IRAG2: variants seen among roughly 807,000 people sequenced by gnomAD.
The protein encoded by IRAG2 is inositol 1,4,5-triphosphate receptor associated 2.
A neutral mutation model predicts 69.9 loss-of-function variants in IRAG2; 45 were observed. The ratio of observed to expected loss-of-function variants is 0.64; its 90% CI spans 0.51 to 0.83. The LOEUF is 0.83. Among genes scored for constraint, IRAG2 ranks in the 40% least tolerant of loss-of-function variants. The pLI, the probability that IRAG2 is intolerant of heterozygous loss-of-function variation, is 0.00. For synonymous variants in IRAG2, 193 were observed against 202.4 expected (o/e 0.95, Z 0.40); for missense variants, 520 against 587.0 (o/e 0.89, Z 1.18).
exon 8 of IRAG2, chr12:25,023,883 C>A (rs928650958): frequency 8.1e-7 from 1 of 1,227,204 alleles, no homozygotes; most frequent in Middle Eastern, 3.1e-4. Flanking sequence ...GACAGAAAAC[C>A]GGGCTCTGAT....
In IRAG2 at chr12:25,079,727, G is replaced by T. The variant is rs1408595228; in HGVS notation, c.208G>T (p.Asp70Tyr). ...DRNSLCKKEE[D>Y]TRSASPTIEA... ...AAACTCGCTCTGTAAGAAAGAGGAG[G>T]ATACAAGATCAGCTTCTCCCACGAT... is the stretch of plus-strand genomic sequence containing the variant. Residue 70 changes from aspartate (D) to tyrosine (Y), a missense_variant, in exon 9 of 22, where the codon GAT (aspartate) becomes TAT (tyrosine). By Grantham distance (160) the Asp-to-Tyr change is radical (BLOSUM62 -3). Coordinates refer to ENST00000556887, the MANE Select transcript of IRAG2 (RefSeq NM_001366544.2). 1.2e-6 allele frequency: 2 copies of T among 1,613,962 alleles called. No individual in the cohort carries two copies. Among genetic ancestry groups the T allele is most frequent in the Non-Finnish European group, 8.5e-7 (1 of 1,179,882 alleles).
At chr12:25,001,047 A>G (rs1480173537), upstream of IRAG2, among the ~76,000 whole-genome samples, 1 of 152,190 alleles carries the variant, frequency 6.6e-6, no homozygotes, top group African/African-American at 2.4e-5. Flanking sequence ...TTATCACCCC[A>G]TCTTATTTAT....
At chr12:25,030,396 C>CTT in intron 10 of IRAG2, 119 of 1,004,950 alleles carry the variant, frequency 1.2e-4, no homozygotes, top group Non-Finnish European at 1.4e-4. Context: ...AAATCTGATT[C>CTT]TTTTTTTTTT....
intron 8 of IRAG2, chr12:25,023,983 T>C (rs73076094): frequency 0.032 from 30,124 of 927,242 alleles, 562 homozygotes; most frequent in Admixed American, 0.038. Flanking sequence ...TCGTGGTTTA[T>C]GGCTGTGGGT....
At chr12:25,004,635 C>T in exon 1 of IRAG2, 2 of 1,232,104 alleles carry the variant, frequency 1.6e-6, no homozygotes, top group African/African-American at 1.6e-5. Context: ...GAACCCCATC[C>T]ACCTCTCACC....
rs149538465 is a variant in IRAG2, at chr12:25,096,166, A to T, written c.607-744A>T. On this transcript the variant is annotated intron_variant, in intron 14 of 21. Transcript: ENST00000556887. Reference sequence around the variant, plus strand: ...AATCAGAAAGGTTGATTTTTTTTGAACATTTCTAAAATTATGATGCAATTT... The same window carrying T: ...AATCAGAAAGGTTGATTTTTTTTGATCATTTCTAAAATTATGATGCAATTT... Among the ~76,000 whole-genome samples the T allele has an allele frequency of 6.1e-4, 93 of 152,346 alleles. 2 individuals are homozygous for T. In the East Asian group the frequency reaches 0.018, roughly 29 times the overall value.
At chr12:25,053,130 G>GT (rs1473020788) in intron 1 of IRAG2, among the ~76,000 whole-genome samples, 174 bp downstream of exon 1, 5 of 152,034 alleles carry the variant, frequency 3.3e-5, no homozygotes, top group Non-Finnish European at 7.4e-5. Flanking sequence ...GAGTGGCTAG[G>GT]TGCATGCATG....
At chr12:25,034,597 A>T (rs1407952841) in intron 13 of IRAG2, among the ~76,000 whole-genome samples, 1 of 152,170 alleles carries the variant, frequency 6.6e-6, no homozygotes, top group Non-Finnish European at 1.5e-5. Flanking sequence ...CTATATTTTC[A>T]TTCCTTTGTA....
At chr12:25,085,678 C>A (rs545092435) in intron 10 of IRAG2, among the ~76,000 whole-genome samples, 9 of 147,752 alleles carry the variant, frequency 6.1e-5, no homozygotes, top group African/African-American at 1.9e-4. Context: ...AGGCACAGGC[C>A]TGAGGGTGGA....
intron 9 of IRAG2, 99 bp from the exon 10 acceptor site, chr12:25,083,324 T>C: frequency 2.6e-6 from 2 of 782,714 alleles, no homozygotes; most frequent in Non-Finnish European, 4.6e-6. Flanking sequence ...AAGACCTTTG[T>C]CAGTTACTGG....
intron 15 of IRAG2, 124 bp downstream of exon 15, chr12:25,097,168 G>A: frequency 1.2e-6 from 1 of 859,810 alleles, no homozygotes; most frequent in Non-Finnish European, 1.7e-6. Context: ...TAAGACATAT[G>A]CGTTTAATAC....
intron 5 of IRAG2, among the ~76,000 whole-genome samples, chr12:25,016,254 G>C (rs1252689140): frequency 1.3e-5 from 2 of 151,516 alleles, no homozygotes; most frequent in Non-Finnish European, 2.9e-5. Context: ...CCCGGGATAA[G>C]ATAGCAAAAA....
intron 10 of IRAG2, 89 bp downstream of exon 10, chr12:25,083,582 C>T: frequency 1.4e-6 from 1 of 731,724 alleles, no homozygotes; most frequent in South Asian, 1.7e-5. Flanking sequence ...AAAGTATTAT[C>T]TCATTTATCC....
chr12:25,028,453 A>T (rs991438788), intron 9 of IRAG2, among the ~76,000 whole-genome samples: 56 of 151,976 alleles, frequency 3.7e-4, no homozygotes, highest in Non-Finnish European at 7.4e-4. Context: ...TTTTATTTTT[A>T]TTTTTTTGTA....
chr12:25,045,377 C>T (rs1370425232), intron 16 of IRAG2, among the ~76,000 whole-genome samples: 1 of 151,706 alleles, frequency 6.6e-6, no homozygotes, highest in Non-Finnish European at 1.5e-5. Flanking sequence ...AGTTCCTTCC[C>T]AAGAGAAAGG....
intron 16 of IRAG2, among the ~76,000 whole-genome samples, chr12:25,040,803 C>T (rs764317580): frequency 5.9e-5 from 9 of 152,108 alleles, no homozygotes; most frequent in Non-Finnish European, 1.3e-4. Context: ...TCAGGATGTC[C>T]GCTCTTTGCC....
chr12:25,031,992 G>A (rs958743846), intron 10 of IRAG2: 36 of 388,872 alleles, frequency 9.3e-5, no homozygotes, highest in African/African-American at 5.8e-4. Context: ...GCAAAACACC[G>A]ACTGGTTCAG....
chr12:25,006,941 T>C (rs1473170495), intron 2 of IRAG2, among the ~76,000 whole-genome samples: 1 of 152,172 alleles, frequency 6.6e-6, no homozygotes, highest in Non-Finnish European at 1.5e-5. Flanking sequence ...ATTAATAATA[T>C]ACTGACAAGC....
chr12:25,020,877 G>C, exon 7 of IRAG2: 1 of 1,231,818 alleles, frequency 8.1e-7, no homozygotes. Context: ...AAGAGCAGAA[G>C]AGCATGATTG....
Sources: allele counts gnomAD v4.1 joint callset (sites outside exome capture counted in the v4.1 genomes callset), GRCh38; gene constraint gnomAD v4.1.1; transcripts MANE v1.5; gene names NCBI Gene and HGNC (gene_info 2026-07-23, HGNC 2026-07-21).